KCNH6: variants seen among roughly 807,000 people sequenced by gnomAD.
KCNH6 encodes the protein potassium voltage-gated channel subfamily H member 6, also known as voltage-gated inwardly rectifying potassium channel KCNH6.
Under a neutral mutation model 83.4 loss-of-function variants are expected in KCNH6, and 81 were observed. The ratio of observed to expected loss-of-function variants is 0.97; its 90% CI spans 0.81 to 1.17. The LOEUF (loss-of-function observed/expected upper bound fraction) is 1.17. KCNH6 is among the 50% of genes most tolerant of loss of function. KCNH6 has a pLI of 0.00. For missense variants in KCNH6, 1,203 were observed against 1,290.5 expected, an observed-to-expected ratio of 0.93 and a Z score of 1.04; for synonymous variants, 503 against 545.6, an observed-to-expected ratio of 0.92 and a Z score of 1.09.
downstream of KCNH6, among the ~76,000 whole-genome samples, chr17:63,548,623 TA>T (rs1568093698): frequency 6.6e-6 from 1 of 152,200 alleles, no homozygotes; most frequent in African/African-American, 2.4e-5. Context: ...AATTTTCTAA[TA>T]AAAACTAAAA....
In KCNH6 at chr17:63,535,807, T is replaced by C. The variant is rs2032451705; in HGVS notation, c.1240T>C (p.Trp414Arg). 1 of 1,614,244 alleles carries C rather than the reference T, an allele frequency of 6.2e-7. No individual in the cohort carries two copies. Among genetic ancestry groups the C allele is most frequent in the Non-Finnish European group, 8.5e-7 (1 of 1,180,056 alleles). Residue 414 changes from tryptophan to arginine, a missense_variant, in exon 6 of 13, where the codon TGG becomes CGG. Physicochemically the swap from Trp to Arg is moderately radical, Grantham distance 101 (BLOSUM62 -3). Coordinates refer to ENST00000314672, the MANE Select transcript of KCNH6 (RefSeq NM_001278919.2). The surrounding 1 kb of genome is among the most constrained non-coding windows in gnomAD (Gnocchi z 4.9). ...GTGCACCTTCGCGCTCATAGCGCAC[T>C]GGCTGGCCTGCATCTGGTACGCCAT... ...LMCTFALIAH[W>R]LACIWYAIGN...
chr17:63,524,468 A>C (rs2031567418), intron 2 of KCNH6, 99 bp downstream of exon 2: 1 of 978,114 alleles, frequency 1.0e-6, no homozygotes, highest in Admixed American at 2.1e-5. Flanking sequence ...CAGGGTCCAA[A>C]GGGCCTGAAC....
rs1371984909 is a variant in KCNH6, at chr17:63,535,893, G to A, written c.1326G>A (p.Val442=). 1.2e-6 allele frequency: 2 copies of A among 1,614,116 alleles called. No homozygotes were observed. Among genetic ancestry groups the A allele is most frequent in the Non-Finnish European group, 1.7e-6 (2 of 1,180,052 alleles). Residue 442 remains valine, a synonymous_variant, in exon 6 of 13, where the codon GTG becomes GTA. Coordinates refer to ENST00000314672, the MANE Select transcript of KCNH6 (RefSeq NM_001278919.2). The surrounding 1 kb of genome is among the most constrained non-coding windows in gnomAD (Gnocchi z 4.9). Reference sequence around the variant, plus strand: ...TCGGCTGGCTGGACAGCCTGGGTGTGCAGCTTGGCAAGCGCTACAACGGCA... The same window carrying A: ...TCGGCTGGCTGGACAGCCTGGGTGTACAGCTTGGCAAGCGCTACAACGGCA... ...HKIGWLDSLG[V]QLGKRYNGSD... is the part of the protein sequence containing the mutation.
chr17:63,526,290 C>A (rs1386249116), intron 2 of KCNH6, among the ~76,000 whole-genome samples: 1 of 152,112 alleles, frequency 6.6e-6, no homozygotes, highest in Non-Finnish European at 1.5e-5. Flanking sequence ...GTCCTGAAAC[C>A]CAGAAAGGGG....
chr17:63,543,805 C>A (rs903390752), intron 10 of KCNH6, 145 bp downstream of exon 10: 1 of 646,146 alleles, frequency 1.5e-6, no homozygotes. Context: ...AGAGCTGGAG[C>A]CTTGGCCCTC....
In KCNH6 at chr17:63,533,241, G is replaced by A. The variant is rs1482592248; in HGVS notation, c.676-645G>A. On this transcript the variant is annotated intron_variant, in intron 4 of 12. Coordinates refer to ENST00000314672, the MANE Select transcript of KCNH6 (RefSeq NM_001278919.2). The surrounding 1 kb of genome is among the most constrained non-coding windows in gnomAD (Gnocchi z 4.1). ...GGGAGAAGGGAAGGCTCTGCAGAAGGTGATGATTCCAAACCCTTGGAGATG... is the reference window on the plus strand; with the variant it reads ...GGGAGAAGGGAAGGCTCTGCAGAAGATGATGATTCCAAACCCTTGGAGATG... Among the ~76,000 whole-genome samples, 1 of 152,162 alleles carries A rather than the reference G, an allele frequency of 6.6e-6. No individual in the cohort carries two copies.
chr17:63,523,522 T>G lies in KCNH6; in HGVS notation c.76+33T>G. 2 of 1,534,208 alleles carry G rather than the reference T, an allele frequency of 1.3e-6. No homozygotes were observed. Among genetic ancestry groups the G allele is most frequent in the Non-Finnish European group, 1.8e-6 (2 of 1,120,758 alleles). On this transcript the variant is annotated intron_variant, in intron 1 of 12. Transcript: ENST00000314672. This position sits in a 1 kb window ranked among gnomAD's most constrained non-coding sequence, Gnocchi z 4.2. Reference sequence around the variant, plus strand: ...TGTGTATGTTGGGGCGGGGGGACGATCTGGAGTCCTGGTTCCGTGAAAGGG... The same window carrying G: ...TGTGTATGTTGGGGCGGGGGGACGAGCTGGAGTCCTGGTTCCGTGAAAGGG...
In KCNH6 at chr17:63,542,235, T is replaced by A. The variant is rs1372325432; in HGVS notation, c.1955-6T>A. ...CTGAAGAGACTCCCACCCCTCTGGC[T>A]GGCAGGAAAGAATGACATCTTTGGG... On this transcript the variant is annotated splice_region_variant and splice_polypyrimidine_tract_variant and intron_variant, in intron 8 of 12. Transcript: ENST00000314672. The A allele has an allele frequency of 1.2e-6, 2 of 1,613,198 alleles. No homozygotes were observed. The highest frequency in any genetic ancestry group is 4.5e-5 in the East Asian group (2 of 44,832).
intron 2 of KCNH6, among the ~76,000 whole-genome samples, chr17:63,527,471 GA>G (rs2031793224): frequency 6.6e-6 from 1 of 152,200 alleles, no homozygotes; most frequent in African/African-American, 2.4e-5. Context: ...GAGAGAAGAG[GA>G]GAGAGAATTG....
In KCNH6 at chr17:63,545,976, G is replaced by T. The variant is rs984327289; in HGVS notation, c.*74G>T. 1.3e-5 allele frequency: 19 copies of T among 1,430,902 alleles called. No homozygotes were observed. The highest frequency in any genetic ancestry group is 1.7e-5 in the Non-Finnish European group (18 of 1,040,138). The allele number at this position is 1,430,902 out of a possible 1,614,324, so 88.6% of individuals were successfully genotyped here. ...AGTTAAGGATCTTGGGGAGGTGGCC[G>T]GGTGCAGTGGCTCGCCTGTAATCCC... On this transcript the variant is annotated 3_prime_UTR_variant, in exon 13 of 13. Coordinates refer to ENST00000314672, the MANE Select transcript of KCNH6 (RefSeq NM_001278919.2).
At chr17:63,539,506 C>T (rs1177557701) in intron 8 of KCNH6, among the ~76,000 whole-genome samples, 1 of 152,224 alleles carries the variant, frequency 6.6e-6, no homozygotes, top group Non-Finnish European at 1.5e-5. Flanking sequence ...TCTTCCTGGG[C>T]ATGGCCGCCC....
rs762097735 is a variant in KCNH6, at chr17:63,530,456, C to G, written c.589C>G (p.Arg197Gly). The part of the protein sequence containing the change: ...NFVEFNLEKH[R>G]SSSTTEIEII... The stretch of plus-strand genomic sequence containing the variant: ...CGTGGAGTTCAACTTGGAGAAGCAC[C>G]GCTCCAGCTCCACCACGGAGATTGA... The change falls in exon 4 of 13, where the codon CGC (arginine) becomes GGC (glycine). Residue 197 changes from arginine (R) to glycine (G), a missense_variant. Arg to Gly is a moderately radical substitution (Grantham distance 125). Coordinates refer to ENST00000314672, the MANE Select transcript of KCNH6 (RefSeq NM_001278919.2). 6.2e-7 allele frequency: 1 copy of G among 1,614,226 alleles called. No individual in the cohort carries two copies. The highest frequency in any genetic ancestry group is 8.5e-7 in the Non-Finnish European group (1 of 1,180,040).
In KCNH6 at chr17:63,529,946, T is replaced by C. The variant is rs1245143498; in HGVS notation, c.308-145T>C. ...CAGCTGAGCAGCCTCACCCACCCTC[T>C]GCCCAGTATCTCTGGTCACTGTCCA... On this transcript the variant is annotated intron_variant, in intron 2 of 12. Transcript: ENST00000314672. 1.3e-5 allele frequency: 11 copies of C among 832,944 alleles called. No homozygotes were observed. The Admixed American group carries it at 2.5e-4, about 19-fold the overall frequency. 51.6% of individuals were successfully genotyped at this position (832,944 alleles called of 1,614,324 possible).
At position 63,530,619 on chromosome 17, in the gene KCNH6, C is replaced by T; in HGVS notation, c.675+77C>T. Reference sequence around the variant, plus strand: ...CCCTCCCAGGCTCTGGGCCCAGGCCCTTCTGGGGCCTTGGCCGATAAAGAG... The same window carrying T: ...CCCTCCCAGGCTCTGGGCCCAGGCCTTTCTGGGGCCTTGGCCGATAAAGAG... On this transcript the variant is annotated intron_variant, in intron 4 of 12. Coordinates refer to ENST00000314672, the MANE Select transcript of KCNH6 (RefSeq NM_001278919.2). 3.8e-6 allele frequency: 5 copies of T among 1,315,678 alleles called. No homozygotes were observed. The South Asian group carries it at 4.9e-5, about 13-fold the overall frequency. The allele number at this position is 1,315,678 out of a possible 1,614,324, so 81.5% of individuals were successfully genotyped here. A position where few individuals can be genotyped will look rare whatever the true frequency, so the allele number is the denominator to read the frequency against.
chr17:63,544,411 G>GGT lies in KCNH6; in HGVS notation c.2396+8_2396+9dup, dbSNP rs751232853. 2 of 1,565,382 alleles carry GGT rather than the reference G, an allele frequency of 1.3e-6. No homozygotes were observed. Among genetic ancestry groups the GGT allele is most frequent in the Admixed American group, 1.9e-5 (1 of 52,838 alleles). On this transcript the variant is annotated frameshift_variant and splice_region_variant. Transcript: ENST00000314672. LOFTEE classifies it high-confidence loss of function. ...GAGCAGCTCCAGGCCCAGATGAACAGGTGTGTGTGCTGTGGTCAGGGCTGG... is the reference window on the plus strand; with the variant it reads ...GAGCAGCTCCAGGCCCAGATGAACAGGTGTGTGTGTGCTGTGGTCAGGGCTGG...
In KCNH6 at chr17:63,542,308, G is replaced by C. The variant is rs778075808; in HGVS notation, c.2022G>C (p.Val674=). 1.2e-6 allele frequency: 2 copies of C among 1,614,052 alleles called. No homozygotes were observed. Among genetic ancestry groups the C allele is most frequent in the Admixed American group, 3.3e-5 (2 of 60,012 alleles). The change falls in exon 9 of 13, where the codon GTG becomes GTC. Residue 674 remains valine (V), a synonymous_variant. Transcript: ENST00000314672. ...HAQPGKSSAD[V]RALTYCDLHK... ...AGCCAGGCAAGTCCAGTGCAGACGT[G>C]CGGGCTCTGACCTACTGCGACCTGC... is the stretch of plus-strand genomic sequence containing the variant.
In KCNH6 at chr17:63,535,797, C is replaced by A. The variant is rs375004915; in HGVS notation, c.1230C>A (p.Leu410=). 8.1e-6 allele frequency: 13 copies of A among 1,614,132 alleles called. No individual in the cohort carries two copies. Among genetic ancestry groups the A allele is most frequent in the Non-Finnish European group, 1.1e-5 (13 of 1,180,060 alleles). ...VLFLLMCTFA[L]IAHWLACIWY... is the part of the protein sequence containing the mutation. The stretch of plus-strand genomic sequence containing the variant: ...TCTTGCTCATGTGCACCTTCGCGCT[C>A]ATAGCGCACTGGCTGGCCTGCATCT... The change falls in exon 6 of 13, where the codon CTC becomes CTA. Residue 410 remains leucine, a synonymous_variant. Coordinates refer to ENST00000314672, the MANE Select transcript of KCNH6 (RefSeq NM_001278919.2). This position sits in a 1 kb window ranked among gnomAD's most constrained non-coding sequence, Gnocchi z 4.9.
Position 63,533,593 on chromosome 17 carries a change from G to C in KCNH6, c.676-293G>C, listed in dbSNP as rs1053069590. Among the ~76,000 whole-genome samples, 1 of 152,094 alleles carries C rather than the reference G, an allele frequency of 6.6e-6. No individual in the cohort carries two copies. Among genetic ancestry groups the C allele is most frequent in the African/African-American group, 2.4e-5 (1 of 41,406 alleles). On this transcript the variant is annotated intron_variant, in intron 4 of 12. Coordinates refer to ENST00000314672, the MANE Select transcript of KCNH6 (RefSeq NM_001278919.2). This position sits in a 1 kb window ranked among gnomAD's most constrained non-coding sequence, Gnocchi z 4.1. Reference sequence around the variant, plus strand: ...CCCTGCCTGGCTCCACCCACTCCAGGATGTTTCCAAGGGAGCTTGTGAGCA... The same window carrying C: ...CCCTGCCTGGCTCCACCCACTCCAGCATGTTTCCAAGGGAGCTTGTGAGCA...
In KCNH6 at chr17:63,545,091, G is replaced by T. The variant is rs775097673; in HGVS notation, c.2410G>T (p.Val804Leu). Residue 804 changes from valine to leucine, a missense_variant, in exon 12 of 13, where the codon GTG becomes TTG. Physicochemically the swap from Val to Leu is conservative, Grantham distance 32. Coordinates refer to ENST00000314672, the MANE Select transcript of KCNH6 (RefSeq NM_001278919.2). Reference protein sequence around the residue: ...QAQMNRLESRVSSDLSRILQL... With the variant: ...QAQMNRLESRLSSDLSRILQL... ...TCTGTCTGGCAGGCTGGAGTCCCGCGTGTCCTCAGACCTCAGCCGCATCTT... is the reference window on the plus strand; with the variant it reads ...TCTGTCTGGCAGGCTGGAGTCCCGCTTGTCCTCAGACCTCAGCCGCATCTT... 19 of 1,613,170 alleles carry T rather than the reference G, an allele frequency of 1.2e-5. No individual in the cohort carries two copies. Among genetic ancestry groups the T allele is most frequent in the Non-Finnish European group, 1.6e-5 (19 of 1,180,004 alleles).
Sources: allele counts gnomAD v4.1 joint callset (sites outside exome capture counted in the v4.1 genomes callset), GRCh38; gene constraint gnomAD v4.1.1; non-coding constraint Gnocchi (gnomAD v3.1); transcripts MANE v1.5; gene names NCBI Gene and HGNC (gene_info 2026-07-23, HGNC 2026-07-21).